The following SIPA1L1 variants were observed in gnomAD, a reference collection of about 807,000 sequenced individuals.
SIPA1L1 encodes the protein signal-induced proliferation-associated 1-like protein 1.
In SIPA1L1, 26 loss-of-function variants were observed where a neutral mutation model predicts 162.7. That is an observed-to-expected ratio of 0.16 (90% CI 0.12 to 0.22). The LOEUF is 0.22. Ranked by LOEUF, SIPA1L1 falls within the 10% of genes least tolerant of loss-of-function variation. SIPA1L1 has a pLI of 1.00. For synonymous variants in SIPA1L1, 829 were observed against 837.4 expected, an observed-to-expected ratio of 0.99 and a Z score of 0.17; for missense variants, 1,874 against 2,241.0, an observed-to-expected ratio of 0.84 and a Z score of 3.31.
At chr14:71,396,444 G>A (rs1224000296) in intron 2 of SIPA1L1, among the ~76,000 whole-genome samples, 1 of 152,024 alleles carries the variant, frequency 6.6e-6, no homozygotes, top group Non-Finnish European at 1.5e-5. Context: ...TATGCTCCTG[G>A]CCAACTATTG....
Position 71,484,160 on chromosome 14 carries a change from G to A in SIPA1L1, c.-464-28583G>A, listed in dbSNP as rs188885026. Among the ~76,000 whole-genome samples the A allele has an allele frequency of 1.1e-3, 160 of 152,214 alleles. 2 individuals are homozygous for A. Among genetic ancestry groups the A allele is most frequent in the African/African-American group, 3.7e-3 (154 of 41,554 alleles). ...AATGGTGGAGTTGCTCTTTGAGGTC[G>A]TGAGTTCTCATCACTACAGGTGTTT... On this transcript the variant is annotated intron_variant, in intron 2 of 23. Coordinates refer to ENST00000381232, the MANE Select transcript of SIPA1L1 (RefSeq NM_001386936.1).
intron 2 of SIPA1L1, among the ~76,000 whole-genome samples, chr14:71,495,886 C>CCAAAAA (rs2049713164): frequency 2.6e-5 from 1 of 38,006 alleles, no homozygotes; most frequent in Non-Finnish European, 5.3e-5. Flanking sequence ...TCCATCTCTA[C>CCAAAAA]AAAAAAAAAA....
At chr14:71,497,060 T>C (rs997511556) in intron 2 of SIPA1L1, among the ~76,000 whole-genome samples, 5 of 151,960 alleles carry the variant, frequency 3.3e-5, no homozygotes, top group Admixed American at 2.6e-4. Flanking sequence ...TCCCAGCTAC[T>C]CAGGAGGCTG....
chr14:71,699,163 G>A, intron 14 of SIPA1L1, 36 bp downstream of exon 14: 1 of 1,604,832 alleles, frequency 6.2e-7, no homozygotes. Flanking sequence ...CATGGTCCCT[G>A]TTGGCATCAT....
chr14:71,515,033 T>C (rs1433968379), intron 3 of SIPA1L1, among the ~76,000 whole-genome samples: 1 of 152,242 alleles, frequency 6.6e-6, no homozygotes, highest in Non-Finnish European at 1.5e-5. Context: ...CTGAGGAGGC[T>C]GTTCTCCCCC....
chr14:71,657,627 T>G (rs2149196294), intron 8 of SIPA1L1, among the ~76,000 whole-genome samples: 1 of 152,126 alleles, frequency 6.6e-6, no homozygotes. Flanking sequence ...TAGACGTTGC[T>G]GTGTCAACTT....
At chr14:71,514,928 T>C (rs2051557420) in intron 3 of SIPA1L1, among the ~76,000 whole-genome samples, 1 of 152,210 alleles carries the variant, frequency 6.6e-6, no homozygotes, top group Admixed American at 6.5e-5. Flanking sequence ...TCCAAATGAA[T>C]GTTTGTGCTT....
At chr14:71,718,565 G>A (rs769475968) in intron 17 of SIPA1L1, among the ~76,000 whole-genome samples, 1 of 152,166 alleles carries the variant, frequency 6.6e-6, no homozygotes, top group African/African-American at 2.4e-5. Context: ...TGGAAGGATC[G>A]CTTAAGCCCA....
At chr14:71,422,889 G>A (rs1045969774) in intron 2 of SIPA1L1, among the ~76,000 whole-genome samples, 2 of 152,156 alleles carry the variant, frequency 1.3e-5, no homozygotes, top group Non-Finnish European at 2.9e-5. Context: ...AAAAAATTTT[G>A]ATGAACTGCC....
chr14:71,583,565 C>G (rs1278540732), intron 4 of SIPA1L1, among the ~76,000 whole-genome samples: 2 of 152,146 alleles, frequency 1.3e-5, no homozygotes, highest in Non-Finnish European at 2.9e-5. Flanking sequence ...ACCCCCTTCC[C>G]ACATCTTCTT....
rs1455152595 is a variant in SIPA1L1 at position 71,740,085 on chromosome 14, T to C, written c.*924T>C. The C allele has an allele frequency of 6.6e-6, 1 of 152,190 alleles. No individual in the cohort carries two copies. Among genetic ancestry groups the C allele is most frequent in the Non-Finnish European group, 1.5e-5 (1 of 68,022 alleles). 9.4% of individuals were successfully genotyped at this position (152,190 alleles called of 1,614,324 possible). On this transcript the variant is annotated 3_prime_UTR_variant, in exon 24 of 24. Transcript: ENST00000381232. Reference sequence around the variant, plus strand: ...AAAGATAAAAATGTGGCACAACTGGTTTTTTTAGCTTGCTGAAAATGACCA... The same window carrying C: ...AAAGATAAAAATGTGGCACAACTGGCTTTTTTAGCTTGCTGAAAATGACCA...
intron 2 of SIPA1L1, among the ~76,000 whole-genome samples, chr14:71,459,365 G>C (rs780226134): frequency 5.3e-5 from 8 of 152,128 alleles, no homozygotes; most frequent in Admixed American, 2.0e-4. Context: ...CAATACTTCA[G>C]GGGAAAAGGA....
chr14:71,576,399 G>A (rs1272659459), intron 4 of SIPA1L1: 1 of 152,140 alleles, frequency 6.6e-6, no homozygotes, highest in Non-Finnish European at 1.5e-5. Flanking sequence ...ATACATAACT[G>A]GTTACAATGG....
At chr14:71,707,858 A>G (rs1185486857) in intron 16 of SIPA1L1, among the ~76,000 whole-genome samples, 1 of 151,756 alleles carries the variant, frequency 6.6e-6, no homozygotes, top group Non-Finnish European at 1.5e-5. Flanking sequence ...CATAGTTACC[A>G]CCCCATTTTA....
At chr14:71,511,635 C>T (rs2051160984) in intron 2 of SIPA1L1, among the ~76,000 whole-genome samples, 1 of 152,148 alleles carries the variant, frequency 6.6e-6, no homozygotes, top group African/African-American at 2.4e-5. Flanking sequence ...TGGTTCCTGA[C>T]ACAAGAGCTT....
chr14:71,607,413 G>T (rs2148212609), intron 5 of SIPA1L1, among the ~76,000 whole-genome samples: 1 of 152,200 alleles, frequency 6.6e-6, no homozygotes, highest in South Asian at 2.1e-4. Flanking sequence ...CCAGGGGGCA[G>T]TGGCTTACTA....
intron 12 of SIPA1L1, among the ~76,000 whole-genome samples, chr14:71,682,996 A>G (rs915395618): frequency 5.3e-5 from 8 of 152,178 alleles, no homozygotes; most frequent in Non-Finnish European, 1.2e-4. Flanking sequence ...TCGACAAACA[A>G]TACAAAAATT....
At chr14:71,539,257 A>G (rs1278977532) in intron 4 of SIPA1L1, among the ~76,000 whole-genome samples, 1 of 152,226 alleles carries the variant, frequency 6.6e-6, no homozygotes, top group Non-Finnish European at 1.5e-5. Flanking sequence ...TAGAAGTGTC[A>G]GAAATGGAGG....
intron 13 of SIPA1L1, among the ~76,000 whole-genome samples, chr14:71,693,385 G>A (rs1484329790): frequency 6.6e-6 from 1 of 152,092 alleles, no homozygotes; most frequent in Non-Finnish European, 1.5e-5. Context: ...TGTAATCCCA[G>A]CTACACGGGA....
Sources: allele counts gnomAD v4.1 joint callset (sites outside exome capture counted in the v4.1 genomes callset), GRCh38; gene constraint gnomAD v4.1.1; transcripts MANE v1.5; gene names NCBI Gene and HGNC (gene_info 2026-07-23, HGNC 2026-07-21).